FRMPD3: variants seen among roughly 807,000 people sequenced by gnomAD.
FRMPD3 encodes the protein FERM and PDZ domain containing 3.
Under a neutral mutation model 97.9 loss-of-function variants are expected in FRMPD3, and 42 were observed. The ratio of observed to expected loss-of-function variants is 0.43; its 90% CI spans 0.34 to 0.55. The LOEUF is 0.55. Among genes scored for constraint, FRMPD3 ranks in the 20% least tolerant of loss-of-function variants. The pLI is 0.03. For missense variants in FRMPD3, 1,303 were observed against 1,457.7 expected (o/e 0.89, Z 1.73); for synonymous variants, 577 against 581.1 (o/e 0.99, Z 0.10).
At position 107,464,001 on chromosome X, in the gene FRMPD3, G is replaced by A. The variant is rs188016206; in HGVS notation, c.-8+13996G>A. Reference sequence around the variant, plus strand: ...TAATCTTGCCTTTTGGGATTTGTTTGTAGGTAAGATTGTGGCTCTTTTCTG... The same window carrying A: ...TAATCTTGCCTTTTGGGATTTGTTTATAGGTAAGATTGTGGCTCTTTTCTG... On this transcript the variant is annotated intron_variant, in intron 1 of 14. Transcript: ENST00000683843. 7.7e-3 allele frequency among the ~76,000 whole-genome samples: 863 copies of A among 111,936 alleles called. 6 individuals are homozygous for A. The highest frequency in any genetic ancestry group is 0.013 in the Admixed American group (135 of 10,534).
intron 1 of FRMPD3, among the ~76,000 whole-genome samples, chrX:107,521,998 C>T (rs762801387): frequency 8.9e-6 from 1 of 111,983 alleles, no homozygotes; most frequent in Non-Finnish European, 1.9e-5. Context: ...AGCATGAGCT[C>T]GAGCTACCAG....
At chrX:107,519,716 T>C (rs1252396032) in intron 1 of FRMPD3, among the ~76,000 whole-genome samples, 1 of 111,022 alleles carries the variant, frequency 9.0e-6, no homozygotes, top group Non-Finnish European at 1.9e-5. Flanking sequence ...AGACGCAGGA[T>C]ATTTTGCAGA....
chrX:107,497,282 C>T (rs997156641), intron 1 of FRMPD3, among the ~76,000 whole-genome samples: 4 of 113,055 alleles, frequency 3.5e-5, no homozygotes, highest in Non-Finnish European at 7.5e-5. Context: ...GGCAGTATGC[C>T]ACAAAGAGGC....
chrX:107,592,086 C>G (rs567074878), intron 13 of FRMPD3, among the ~76,000 whole-genome samples: 2 of 110,667 alleles, frequency 1.8e-5, no homozygotes, highest in South Asian at 7.7e-4. Flanking sequence ...TTCCTCACCC[C>G]CTCCCGCCCT....
chrX:107,539,817 G>A (rs1324554696), intron 4 of FRMPD3, among the ~76,000 whole-genome samples: 1 of 111,660 alleles, frequency 9.0e-6, no homozygotes, highest in East Asian at 2.8e-4. Flanking sequence ...TGCTTATACA[G>A]CCTGGTTGGG....
chrX:107,570,616 C>T (rs961500445), intron 12 of FRMPD3, among the ~76,000 whole-genome samples: 10 of 111,216 alleles, frequency 9.0e-5, no homozygotes, highest in Non-Finnish European at 3.8e-5. Flanking sequence ...TGATATTCTG[C>T]CTTGCCCCCA....
rs952011003 is a variant in FRMPD3 at position 107,568,076 on chromosome X, T to C, written c.1296+3010T>C. On this transcript the variant is annotated intron_variant, in intron 12 of 14. Transcript: ENST00000683843. ...TCCCAAGTACTCTGAAGAATGGTAC[T>C]ATGTGCCCAGCAGAAGCAAAATGGA... 8.1e-5 allele frequency among the ~76,000 whole-genome samples: 9 copies of C among 110,448 alleles called. No homozygotes were observed. The Admixed American group carries it at 8.7e-4, about 11-fold the overall frequency.
intron 1 of FRMPD3, among the ~76,000 whole-genome samples, chrX:107,494,995 A>T (rs930586882): frequency 2.7e-5 from 3 of 112,575 alleles, no homozygotes; most frequent in Non-Finnish European, 5.6e-5. Flanking sequence ...CTAGTCCAGC[A>T]AGCAAGTGTC....
intron 1 of FRMPD3, among the ~76,000 whole-genome samples, chrX:107,452,359 G>A (rs993647368): frequency 8.9e-6 from 1 of 111,789 alleles, no homozygotes; most frequent in African/African-American, 3.3e-5. Context: ...TGAGAAAGGA[G>A]GGAATAAGAT....
At chrX:107,547,114 G>C (rs1324529397) in intron 5 of FRMPD3, among the ~76,000 whole-genome samples, 1 of 111,554 alleles carries the variant, frequency 9.0e-6, no homozygotes, top group Non-Finnish European at 1.9e-5. Context: ...TCATTGATGA[G>C]CAGAGGGGAA....
chrX:107,571,338 T>A (rs1922876611), intron 12 of FRMPD3, among the ~76,000 whole-genome samples: 2 of 112,388 alleles, frequency 1.8e-5, no homozygotes, highest in African/African-American at 6.5e-5. Flanking sequence ...CTGCTTTTGA[T>A]TTCATTTTTA....
intron 1 of FRMPD3, among the ~76,000 whole-genome samples, chrX:107,457,902 C>A (rs147351632): frequency 0.013 from 1,473 of 111,399 alleles, 8 homozygotes; most frequent in Non-Finnish European, 0.02. Flanking sequence ...TCTCTTCCAG[C>A]GTACATTTAT....
chrX:107,569,410 G>A (rs768620720), intron 12 of FRMPD3, among the ~76,000 whole-genome samples: 6 of 110,497 alleles, frequency 5.4e-5, no homozygotes, highest in Non-Finnish European at 7.6e-5. Context: ...TCTGGCTGGG[G>A]GTATTAAGGA....
chrX:107,492,238 G>T (rs1437993116), intron 1 of FRMPD3, among the ~76,000 whole-genome samples: 1 of 111,831 alleles, frequency 8.9e-6, no homozygotes, highest in Admixed American at 9.5e-5. Context: ...TGCTGTCATT[G>T]AGCTTGGAGT....
chrX:107,526,597 A>G lies in FRMPD3; in HGVS notation c.9A>G (p.Glu3=). Residue 3 remains glutamate, a synonymous_variant, in exon 2 of 15, where the codon GAA becomes GAG. Coordinates refer to ENST00000683843, the MANE Select transcript of FRMPD3 (RefSeq NM_001388459.1). Reference sequence around the variant, plus strand: ...TTTTCCCCAGTCATGTGATGCAGGAAGAGAGCGCAAATGATATGGAATGTG... The same window carrying G: ...TTTTCCCCAGTCATGTGATGCAGGAGGAGAGCGCAAATGATATGGAATGTG... The part of the protein sequence containing the change: MQ[E]ESANDMECEQ... 1.7e-6 allele frequency: 2 copies of G among 1,197,025 alleles called. No homozygotes were observed. Among genetic ancestry groups the G allele is most frequent in the Non-Finnish European group, 1.1e-6 (1 of 889,892 alleles).
intron 5 of FRMPD3, among the ~76,000 whole-genome samples, chrX:107,549,686 A>G (rs1480013975): frequency 9.0e-6 from 1 of 111,686 alleles, no homozygotes; most frequent in East Asian, 2.8e-4. Context: ...AGGTGTTTAA[A>G]AAAATGTCAG....
At chrX:107,554,719 C>T (rs1354334173) in intron 8 of FRMPD3, 3 of 383,442 alleles carry the variant, frequency 7.8e-6, no homozygotes, top group Non-Finnish European at 9.0e-6. Context: ...GTCTATTTGT[C>T]CACTCAGATC....
intron 13 of FRMPD3, among the ~76,000 whole-genome samples, chrX:107,581,439 T>C (rs1231589463): frequency 9.1e-6 from 1 of 109,951 alleles, no homozygotes; most frequent in Non-Finnish European, 1.9e-5. Flanking sequence ...GACTGAGAGT[T>C]CATCATGTGC....
intron 13 of FRMPD3, among the ~76,000 whole-genome samples, chrX:107,596,235 T>G (rs1602863710): frequency 9.0e-6 from 1 of 111,551 alleles, no homozygotes; most frequent in Admixed American, 9.6e-5. Context: ...AAAACATGGG[T>G]TTTGAAGTCT....
Sources: allele counts gnomAD v4.1 joint callset (sites outside exome capture counted in the v4.1 genomes callset), GRCh38; gene constraint gnomAD v4.1.1; transcripts MANE v1.5; gene names NCBI Gene and HGNC (gene_info 2026-07-23, HGNC 2026-07-21).